The following PDK1 variants were observed in gnomAD, a reference collection of about 807,000 sequenced individuals.
PDK1 encodes [Pyruvate dehydrogenase (acetyl-transferring)] kinase isozyme 1, mitochondrial.
Under a neutral mutation model 54.2 loss-of-function variants are expected in PDK1, and 39 were observed. That is an observed-to-expected ratio of 0.72 (90% CI 0.56 to 0.94). PDK1 has a LOEUF of 0.94. PDK1 is among the 40% of genes least tolerant of loss of function. The pLI is 0.00. For synonymous variants in PDK1, 221 were observed against 207.1 expected (o/e 1.07, Z -0.58); for missense variants, 552 against 566.0 (o/e 0.98, Z 0.25).
the PDK1 span, among the ~76,000 whole-genome samples, chr2:172,621,356 GCTTAGCC>G: frequency 6.6e-6 from 1 of 151,952 alleles, no homozygotes; most frequent in Admixed American, 6.6e-5. Flanking sequence ...GACTAGATTG[GCTTAGCC>G]TCTCAGCCTA....
Position 172,580,846 on chromosome 2 carries a change from A to G in PDK1, c.946-5432A>G, listed in dbSNP as rs186332823. ...TTGAAGACATTATGCTAAGTGAAAG[A>G]AGCCAATCACAAAAGGCCACATATT... On this transcript the variant is annotated intron_variant, in intron 8 of 10. Coordinates refer to ENST00000282077, the MANE Select transcript of PDK1 (RefSeq NM_002610.5). Among the ~76,000 whole-genome samples the G allele has an allele frequency of 1.8e-4, 28 of 151,936 alleles. No homozygotes were observed. In the East Asian group the frequency reaches 5.4e-3, roughly 29 times the overall value.
chr2:172,652,441 T>A, the PDK1 span, among the ~76,000 whole-genome samples: 1 of 152,076 alleles, frequency 6.6e-6, no homozygotes, highest in Admixed American at 6.5e-5. Context: ...CCACTCCTGT[T>A]CAACATAGTG....
chr2:172,644,888 G>A, the PDK1 span, among the ~76,000 whole-genome samples: 1 of 150,460 alleles, frequency 6.6e-6, no homozygotes. Context: ...GCTGTTTGCT[G>A]TATGACCCTA....
At chr2:172,659,099 G>A in the PDK1 span, among the ~76,000 whole-genome samples, 1,618 of 152,216 alleles carry the variant, frequency 0.011, 25 homozygotes, top group African/African-American at 0.035. Context: ...AAAACCTGCA[G>A]GTTTTGTGGC....
chr2:172,692,003 T>C, the PDK1 span, among the ~76,000 whole-genome samples: 1 of 152,228 alleles, frequency 6.6e-6, no homozygotes, highest in Non-Finnish European at 1.5e-5. Flanking sequence ...AACAGAAAGC[T>C]GGATTTCTCC....
chr2:172,625,994 C>T, the PDK1 span, among the ~76,000 whole-genome samples: 1 of 152,144 alleles, frequency 6.6e-6, no homozygotes, highest in South Asian at 2.1e-4. Context: ...TAGTCTGCAG[C>T]AGGTAAAAAC....
the PDK1 span, among the ~76,000 whole-genome samples, chr2:172,617,458 G>C: frequency 6.6e-6 from 1 of 151,976 alleles, no homozygotes; most frequent in Non-Finnish European, 1.5e-5. Context: ...TCTCAGTTCT[G>C]GAGGATGAAA....
the PDK1 span, among the ~76,000 whole-genome samples, chr2:172,629,748 A>G: frequency 6.6e-6 from 1 of 152,198 alleles, no homozygotes; most frequent in Non-Finnish European, 1.5e-5. Context: ...CTGGGGCATC[A>G]GGAGTCACAG....
chr2:172,692,438 C>T, the PDK1 span, among the ~76,000 whole-genome samples: 1 of 152,190 alleles, frequency 6.6e-6, no homozygotes, highest in Non-Finnish European at 1.5e-5. Flanking sequence ...CTAAATATGT[C>T]TGCAAGAATC....
chr2:172,560,466 C>T (rs1462418204), intron 2 of PDK1, among the ~76,000 whole-genome samples: 1 of 152,200 alleles, frequency 6.6e-6, no homozygotes, highest in African/African-American at 2.4e-5. Flanking sequence ...CCGCACCTGG[C>T]AGGTTAACTC....
chr2:172,560,473 ACT>A (rs1688597950), intron 2 of PDK1, among the ~76,000 whole-genome samples: 1 of 152,184 alleles, frequency 6.6e-6, no homozygotes, highest in South Asian at 2.1e-4. Flanking sequence ...TGGCAGGTTA[ACT>A]CTGTACAGAT....
At chr2:172,663,203 C>T in the PDK1 span, among the ~76,000 whole-genome samples, 1 of 152,182 alleles carries the variant, frequency 6.6e-6, no homozygotes, top group East Asian at 1.9e-4. Flanking sequence ...CAGTTTCTCC[C>T]TCTGTCTTCA....
the PDK1 span, among the ~76,000 whole-genome samples, chr2:172,688,278 G>A: frequency 6.6e-6 from 1 of 151,874 alleles, no homozygotes; most frequent in East Asian, 1.9e-4. Context: ...TGATATGTAT[G>A]GATGGATGTG....
chr2:172,557,644 TGTA>T (rs1176560621), intron 1 of PDK1, among the ~76,000 whole-genome samples: 4 of 148,086 alleles, frequency 2.7e-5, no homozygotes, highest in African/African-American at 7.6e-5. Context: ...TGTGTGTGTG[TGTA>T]TTTTTTTTTA....
At chr2:172,689,942 A>G in the PDK1 span, among the ~76,000 whole-genome samples, 2 of 150,418 alleles carry the variant, frequency 1.3e-5, no homozygotes, top group African/African-American at 4.8e-5. Context: ...AGGCATGGGC[A>G]AGGACTTCAT....
At chr2:172,696,028 C>T in the PDK1 span, among the ~76,000 whole-genome samples, 2 of 151,984 alleles carry the variant, frequency 1.3e-5, no homozygotes, top group Admixed American at 1.3e-4. Context: ...CAAAAATTAG[C>T]TGGGTGTGGT....
chr2:172,556,216 C>CG lies in PDK1; in HGVS notation c.68dup (p.Phe24LeufsTer49). The stretch of plus-strand genomic sequence containing the variant: ...GCCCGGGCCCGGGGCTGCGCGCCGC[C>CG]GGCTTCAGCCGCAGCTTCAGCTCGG... On this transcript the variant is annotated frameshift_variant, in exon 1 of 11. Transcript: ENST00000282077. LOFTEE classifies it high-confidence loss of function. 1 of 1,423,024 alleles carries CG rather than the reference C, an allele frequency of 7.0e-7. No individual in the cohort carries two copies. Among genetic ancestry groups the CG allele is most frequent in the Non-Finnish European group, 9.1e-7 (1 of 1,096,128 alleles). The allele number at this position is 1,423,024 out of a possible 1,614,324, so 88.1% of individuals were successfully genotyped here. A position where few individuals can be genotyped will look rare whatever the true frequency, so the allele number is the denominator to read the frequency against.
In PDK1 at chr2:172,602,271, A is replaced by G. The variant is rs2149315898; in HGVS notation, c.*6302A>G. The stretch of plus-strand genomic sequence containing the variant: ...ATTGGCACATTGAATGTAGCAGTGC[A>G]TAAAATATTGTATCATGAGCAAAAG... On this transcript the variant is annotated 3_prime_UTR_variant, in exon 11 of 11. Transcript: ENST00000282077. 2 of 152,374 alleles carry G rather than the reference A, an allele frequency of 1.3e-5. No homozygotes were observed. 9.4% of individuals were successfully genotyped at this position (152,374 alleles called of 1,614,324 possible). A position where few individuals can be genotyped will look rare whatever the true frequency, so the allele number is the denominator to read the frequency against.
In PDK1 at chr2:172,608,624, A is replaced by T. The variant is rs1369826046; in HGVS notation, c.*12655A>T. 6.6e-6 allele frequency: 1 copy of T among 152,028 alleles called. No homozygotes were observed. Among genetic ancestry groups the T allele is most frequent in the Non-Finnish European group, 1.5e-5 (1 of 68,016 alleles). The allele number at this position is 152,028 out of a possible 1,614,324, so 9.4% of individuals were successfully genotyped here. On this transcript the variant is annotated 3_prime_UTR_variant, in exon 11 of 11. Coordinates refer to ENST00000282077, the MANE Select transcript of PDK1 (RefSeq NM_002610.5). ...TTTTTTGAATTGTATCTCTCTCCTT[A>T]TTCCATTTTCTTCTGTTTGATTAAA...
Sources: allele counts gnomAD v4.1 joint callset (sites outside exome capture counted in the v4.1 genomes callset), GRCh38; gene constraint gnomAD v4.1.1; transcripts MANE v1.5; gene names NCBI Gene and HGNC (gene_info 2026-07-23, HGNC 2026-07-21).